Variants in PTH2R observed in about 807,000 individuals in gnomAD.
PTH2R encodes PTH2 receptor.
Under a neutral mutation model 60.3 loss-of-function variants are expected in PTH2R, and 59 were observed. The ratio of observed to expected loss-of-function variants is 0.98; its 90% CI spans 0.79 to 1.22. PTH2R has a LOEUF of 1.22. Ranked by LOEUF, PTH2R falls within the 50% of genes most tolerant of loss-of-function variation. PTH2R has a pLI of 0.00. For missense variants in PTH2R, 749 were observed against 682.6 expected, an observed-to-expected ratio of 1.10 and a Z score of -1.08; for synonymous variants, 256 against 243.8, an observed-to-expected ratio of 1.05 and a Z score of -0.47.
intron 1 of PTH2R, among the ~76,000 whole-genome samples, chr2:208,399,632 ACT>A (rs1316957272): frequency 6.6e-6 from 1 of 151,966 alleles, no homozygotes; most frequent in Non-Finnish European, 1.5e-5. Flanking sequence ...CATCTGTGTG[ACT>A]CCACTGGGAG....
intron 7 of PTH2R, among the ~76,000 whole-genome samples, chr2:208,445,666 T>A (rs1483554842): frequency 6.6e-6 from 1 of 152,170 alleles, no homozygotes; most frequent in Non-Finnish European, 1.5e-5. Context: ...ATTCACTAAG[T>A]AGCTCACGAC....
intron 1 of PTH2R, among the ~76,000 whole-genome samples, chr2:208,362,520 A>G (rs1393501906): frequency 1.3e-5 from 2 of 152,200 alleles, no homozygotes. Context: ...CTATATAGAT[A>G]TATCTATATC....
At chr2:208,485,238 A>G (rs1703245162) in intron 10 of PTH2R, among the ~76,000 whole-genome samples, 1 of 152,202 alleles carries the variant, frequency 6.6e-6, no homozygotes, top group African/African-American at 2.4e-5. Flanking sequence ...CTAGGGAGAG[A>G]GAGCACAGAA....
chr2:208,487,973 T>G (rs1046299551), intron 10 of PTH2R, among the ~76,000 whole-genome samples: 1 of 152,154 alleles, frequency 6.6e-6, no homozygotes, highest in African/African-American at 2.4e-5. Flanking sequence ...CATAATCTAC[T>G]GGTTAGACAC....
chr2:208,399,464 T>G (rs1192823521), intron 1 of PTH2R, among the ~76,000 whole-genome samples: 1 of 152,150 alleles, frequency 6.6e-6, no homozygotes, highest in African/African-American at 2.4e-5. Flanking sequence ...GCTAACAATG[T>G]CATCTGTGAA....
At chr2:208,449,678 A>C (rs1340981525) in intron 7 of PTH2R, among the ~76,000 whole-genome samples, 1 of 152,146 alleles carries the variant, frequency 6.6e-6, no homozygotes, top group Non-Finnish European at 1.5e-5. Flanking sequence ...GAGACCAAAG[A>C]CATTATTGTG....
At chr2:208,476,980 T>C (rs1703019090) in intron 9 of PTH2R, among the ~76,000 whole-genome samples, 3 of 152,214 alleles carry the variant, frequency 2.0e-5, no homozygotes, top group Admixed American at 2.0e-4. Context: ...TTGACTTCTT[T>C]AAATGATTAC....
chr2:208,491,437 A>G (rs1703401892), intron 12 of PTH2R, among the ~76,000 whole-genome samples: 1 of 152,190 alleles, frequency 6.6e-6, no homozygotes, highest in African/African-American at 2.4e-5. Context: ...CCCAAAAAGC[A>G]CTCAACAGTC....
intron 1 of PTH2R, among the ~76,000 whole-genome samples, chr2:208,411,033 G>A (rs1221125491): frequency 1.3e-5 from 2 of 152,162 alleles, no homozygotes; most frequent in African/African-American, 4.8e-5. Flanking sequence ...ATCACTTGAG[G>A]TCAGGAGTTC....
chr2:208,443,805 A>C (rs1013401539), intron 6 of PTH2R, among the ~76,000 whole-genome samples: 1 of 152,206 alleles, frequency 6.6e-6, no homozygotes, highest in Non-Finnish European at 1.5e-5. Flanking sequence ...GGTATTTGGC[A>C]TAGGCACCAC....
intron 2 of PTH2R, among the ~76,000 whole-genome samples, chr2:208,435,285 G>A (rs1465886365): frequency 6.6e-6 from 1 of 152,166 alleles, no homozygotes; most frequent in African/African-American, 2.4e-5. Context: ...AGTACTTGTG[G>A]TGGCAGAATG....
chr2:208,444,896 T>A lies in PTH2R; in HGVS notation c.853+9T>A, dbSNP rs1702259605. 6.2e-7 allele frequency: 1 copy of A among 1,610,014 alleles called. No homozygotes were observed. Reference sequence around the variant, plus strand: ...CATCTTGATAGGCTGGGGTAAGACATTTATATCTCTGTTCCTTTCAAACTG... The same window carrying A: ...CATCTTGATAGGCTGGGGTAAGACAATTATATCTCTGTTCCTTTCAAACTG... On this transcript the variant is annotated intron_variant, in intron 7 of 12. Coordinates refer to ENST00000272847, the MANE Select transcript of PTH2R (RefSeq NM_005048.4).
intron 9 of PTH2R, among the ~76,000 whole-genome samples, chr2:208,476,887 G>T (rs1381970714): frequency 2.0e-5 from 3 of 152,162 alleles, no homozygotes; most frequent in Non-Finnish European, 4.4e-5. Flanking sequence ...CTGGGCACAG[G>T]ATGCTGAAGG....
chr2:208,365,955 TATATA>T (rs1217322007), intron 1 of PTH2R, among the ~76,000 whole-genome samples: 61 of 21,322 alleles, frequency 2.9e-3, no homozygotes, highest in East Asian at 7.8e-3. Flanking sequence ...TATATATATA[TATATA>T]TTTTTTTTTT....
intron 1 of PTH2R, among the ~76,000 whole-genome samples, chr2:208,373,763 C>A (rs1700744995): frequency 6.6e-6 from 1 of 152,082 alleles, no homozygotes. Context: ...GAGCTCAATC[C>A]CAAACATCTT....
chr2:208,418,721 G>C (rs1384819580), intron 1 of PTH2R, among the ~76,000 whole-genome samples: 2 of 151,984 alleles, frequency 1.3e-5, no homozygotes, highest in African/African-American at 4.8e-5. Flanking sequence ...TTACAAAAAT[G>C]TATCTGTATA....
intron 1 of PTH2R, among the ~76,000 whole-genome samples, chr2:208,427,917 C>CT (rs200331498): frequency 1.8e-4 from 27 of 150,444 alleles, no homozygotes; most frequent in Admixed American, 6.0e-4. Context: ...TATAATATCT[C>CT]TTTTTTTTGT....
intron 1 of PTH2R, among the ~76,000 whole-genome samples, chr2:208,380,352 C>A (rs1277674354): frequency 1.3e-5 from 2 of 152,054 alleles, no homozygotes; most frequent in Non-Finnish European, 2.9e-5. Flanking sequence ...GTGATATTTA[C>A]AGTTTAGTAA....
chr2:208,436,061 A>G (rs1702069498), intron 2 of PTH2R, among the ~76,000 whole-genome samples: 1 of 152,220 alleles, frequency 6.6e-6, no homozygotes, highest in South Asian at 2.1e-4. Flanking sequence ...TGCCAGGTGC[A>G]TTCCCGGAAT....
Sources: allele counts gnomAD v4.1 joint callset (sites outside exome capture counted in the v4.1 genomes callset), GRCh38; gene constraint gnomAD v4.1.1; transcripts MANE v1.5; gene names NCBI Gene and HGNC (gene_info 2026-07-23, HGNC 2026-07-21).